Variants in LCORL observed in about 807,000 individuals in gnomAD.
The protein encoded by LCORL is ligand-dependent nuclear receptor corepressor-like protein.
In LCORL, 41 loss-of-function variants were observed where a neutral mutation model predicts 141.8. The ratio of observed to expected loss-of-function variants is 0.29; its 90% confidence interval spans 0.23 to 0.38. The LOEUF is 0.38. Among genes scored for constraint, LCORL ranks in the 10% least tolerant of loss-of-function variants. LCORL has a pLI of 1.00. For synonymous variants in LCORL, 618 were observed against 694.1 expected (o/e 0.89, Z 1.72); for missense variants, 1,759 against 2,035.0 (o/e 0.86, Z 2.61).
chr4:17,877,683 C>T (rs1577307938), exon 7 of LCORL: 6 of 1,230,256 alleles, frequency 4.9e-6, no homozygotes, highest in African/African-American at 4.7e-5. Flanking sequence ...TGAGGGACTT[C>T]GAGATCTACA....
intron 2 of LCORL, 87 bp from the exon 3 acceptor site, chr4:17,963,136 A>G (rs574026334): frequency 2.5e-5 from 15 of 601,054 alleles, no homozygotes; most frequent in Non-Finnish European, 2.5e-5. Flanking sequence ...GGCTCACATA[A>G]TAATAATTTT....
chr4:17,944,448 T>A (rs1738504840), intron 4 of LCORL, among the ~76,000 whole-genome samples: 1 of 152,222 alleles, frequency 6.6e-6, no homozygotes, highest in Non-Finnish European at 1.5e-5. Context: ...ATTAATTTTA[T>A]TCTACAGGTA....
exon 7 of LCORL, chr4:17,873,808 T>C: frequency 8.1e-7 from 1 of 1,234,046 alleles, no homozygotes; most frequent in Non-Finnish European, 1.0e-6. Flanking sequence ...AAAAATATTC[T>C]ACAGTCTTTT....
chr4:17,867,792 T>G (rs1226371334), intron 7 of LCORL, among the ~76,000 whole-genome samples: 1 of 152,060 alleles, frequency 6.6e-6, no homozygotes, highest in African/African-American at 2.4e-5. Context: ...CAGTAATAGT[T>G]GAGAAAGCAA....
At chr4:18,011,190 T>C (rs985097801) in intron 1 of LCORL, among the ~76,000 whole-genome samples, 1 of 152,136 alleles carries the variant, frequency 6.6e-6, no homozygotes, top group Non-Finnish European at 1.5e-5. Context: ...ATAGAAAGAT[T>C]ATTTTGGCTT....
intron 7 of LCORL, among the ~76,000 whole-genome samples, chr4:17,870,227 T>G (rs1423134654): frequency 6.6e-6 from 1 of 152,154 alleles, no homozygotes; most frequent in African/African-American, 2.4e-5. Context: ...AGCCTCGACC[T>G]CCCAGGTTCA....
At chr4:17,898,657 T>C (rs1205923243) in intron 5 of LCORL, among the ~76,000 whole-genome samples, 1 of 151,356 alleles carries the variant, frequency 6.6e-6, no homozygotes, top group Non-Finnish European at 1.5e-5. Context: ...TCACCGTTTT[T>C]TTTTTTTTTT....
At chr4:17,983,074 T>A (rs1183235757) in intron 1 of LCORL, among the ~76,000 whole-genome samples, 2 of 152,172 alleles carry the variant, frequency 1.3e-5, no homozygotes, top group Non-Finnish European at 2.9e-5. Flanking sequence ...TAGATAGTTG[T>A]AGGTATATGG....
rs1006199304 is a variant in LCORL at position 17,880,585 on chromosome 4, G to C, written c.777-2372C>G. On this transcript the variant is annotated intron_variant, in intron 6 of 7. Transcript: ENST00000635767. ...CTGCTTCCTAAAGTAAATCAAACAAGTCAGTGTAGTCAGTTTTTTTCTTTT... is the reference window on the plus strand; with the variant it reads ...CTGCTTCCTAAAGTAAATCAAACAACTCAGTGTAGTCAGTTTTTTTCTTTT... The C allele has an allele frequency of 7.3e-5, 70 of 965,012 alleles. No individual in the cohort carries two copies. In the African/African-American group the frequency reaches 1.2e-3, roughly 16 times the overall value. The allele number at this position is 965,012 out of a possible 1,614,324, so 59.8% of individuals were successfully genotyped here. A position where few individuals can be genotyped will look rare whatever the true frequency, so the allele number is the denominator to read the frequency against.
At position 17,900,418 on chromosome 4, in the gene LCORL, C is replaced by T. The variant is rs1196836362; in HGVS notation, c.682+8676G>A. Among the ~76,000 whole-genome samples, 15 of 152,082 alleles carry T rather than the reference C, an allele frequency of 9.9e-5. 1 individual carries two copies. The highest frequency in any genetic ancestry group is 8.5e-4 in the Admixed American group (13 of 15,246). The stretch of plus-strand genomic sequence containing the variant: ...TTTGATATTTCTTCTGACTTAAATG[C>T]CCTGACCTTAGATCTTCATATGGAG... On this transcript the variant is annotated intron_variant, in intron 5 of 7. Coordinates refer to ENST00000635767, the Ensembl canonical transcript of LCORL.
At chr4:17,919,456 C>T (rs570410995) in intron 4 of LCORL, among the ~76,000 whole-genome samples, 6 of 152,146 alleles carry the variant, frequency 3.9e-5, no homozygotes, top group African/African-American at 1.4e-4. Flanking sequence ...AAAACCTATC[C>T]ATTAGTAATA....
At chr4:17,959,619 T>A (rs916919597) in intron 4 of LCORL, among the ~76,000 whole-genome samples, 4 of 152,164 alleles carry the variant, frequency 2.6e-5, no homozygotes, top group South Asian at 2.1e-4. Context: ...ATTAGCACCA[T>A]CTCAAAAAGC....
intron 4 of LCORL, among the ~76,000 whole-genome samples, chr4:17,957,567 T>C (rs761791742): frequency 2.0e-5 from 3 of 152,084 alleles, no homozygotes; most frequent in East Asian, 3.9e-4. Context: ...TGGGTGATGA[T>C]GGGATGAACT....
chr4:17,944,568 T>G (rs1202721182), intron 4 of LCORL, among the ~76,000 whole-genome samples: 1 of 152,180 alleles, frequency 6.6e-6, no homozygotes, highest in Non-Finnish European at 1.5e-5. Flanking sequence ...CCATACTTTT[T>G]TTTGAGCACT....
At chr4:17,940,061 T>C (rs1373861307) in intron 4 of LCORL, among the ~76,000 whole-genome samples, 1 of 148,754 alleles carries the variant, frequency 6.7e-6, no homozygotes, top group Non-Finnish European at 1.5e-5. Context: ...TATACGCATA[T>C]ATACACTATA....
intron 4 of LCORL, among the ~76,000 whole-genome samples, chr4:17,945,027 T>C (rs1429903346): frequency 2.6e-5 from 4 of 152,098 alleles, no homozygotes; most frequent in East Asian, 1.9e-4. Context: ...ACAAAACTAA[T>C]TTATCACACT....
intron 5 of LCORL, among the ~76,000 whole-genome samples, chr4:17,889,804 C>A (rs1258709696): frequency 6.6e-6 from 1 of 152,022 alleles, no homozygotes; most frequent in East Asian, 1.9e-4. Flanking sequence ...GATTACATCA[C>A]TCTTTCACAA....
exon 8 of LCORL, chr4:17,843,433 G>C (rs775104185): frequency 6.2e-7 from 1 of 1,610,016 alleles, no homozygotes; most frequent in Admixed American, 1.7e-5. Context: ...TAGGAAAGAC[G>C]ATGGAGGTGG....
intron 1 of LCORL, among the ~76,000 whole-genome samples, chr4:17,997,662 T>C (rs1356627748): frequency 1.3e-5 from 2 of 152,062 alleles, no homozygotes; most frequent in African/African-American, 2.4e-5. Flanking sequence ...CTTAAACTCA[T>C]AGTTTGGTGG....
Sources: allele counts gnomAD v4.1 joint callset (sites outside exome capture counted in the v4.1 genomes callset), GRCh38; gene constraint gnomAD v4.1.1; transcripts MANE v1.5; gene names NCBI Gene and HGNC (gene_info 2026-07-23, HGNC 2026-07-21).